Variants in PTPN1 observed in about 807,000 individuals in gnomAD.
PTPN1 encodes the protein protein tyrosine phosphatase non-receptor type 1, also known as tyrosine-protein phosphatase non-receptor type 1.
Under a neutral mutation model 59.9 loss-of-function variants are expected in PTPN1, and 12 were observed. The observed-to-expected ratio is 0.20, with a 90% CI of 0.13 to 0.32. The LOEUF (loss-of-function observed/expected upper bound fraction) is 0.32, where lower values mean the gene tolerates loss of function less well. PTPN1 is among the 10% of genes least tolerant of loss of function. The probability of loss-of-function intolerance (pLI) is 1.00; values close to 1 mark genes in which losing one functional copy is unlikely to be tolerated. For synonymous variants in PTPN1, 178 were observed against 203.6 expected (o/e 0.87, Z 1.07); for missense variants, 356 against 549.2 (o/e 0.65, Z 3.52).
intron 1 of PTPN1, among the ~76,000 whole-genome samples, chr20:50,555,469 G>A (rs1241223152): frequency 1.3e-5 from 2 of 152,066 alleles, no homozygotes; most frequent in African/African-American, 4.8e-5. Context: ...TATCTTGGTT[G>A]CATTGATAGT....
chr20:50,523,784 T>A (rs1365833354), intron 1 of PTPN1, among the ~76,000 whole-genome samples: 1 of 152,102 alleles, frequency 6.6e-6, no homozygotes, highest in Non-Finnish European at 1.5e-5. Context: ...GGAAAAGGTA[T>A]CTAATTGGGA....
In PTPN1 at chr20:50,581,334, C is replaced by G; in HGVS notation, c.1158C>G (p.Ser386=). The G allele has an allele frequency of 6.2e-7, 1 of 1,614,048 alleles. No individual in the cohort carries two copies. Among genetic ancestry groups the G allele is most frequent in the Non-Finnish European group, 8.5e-7 (1 of 1,179,906 alleles). Residue 386 remains serine (S), a synonymous_variant, in exon 9 of 10, where the codon TCC becomes TCG. Coordinates refer to ENST00000371621, the MANE Select transcript of PTPN1 (RefSeq NM_002827.4). ...GTCTTCGAGGTGCCCAGGCTGCCTC[C>G]CCAGCCAAAGGGGAGCCGTCACTGC... is the stretch of plus-strand genomic sequence containing the variant. The part of the protein sequence containing the change: ...GGSLRGAQAA[S]PAKGEPSLPE...
chr20:50,532,736 C>T (rs1396305333), intron 1 of PTPN1, among the ~76,000 whole-genome samples: 4 of 151,960 alleles, frequency 2.6e-5, no homozygotes, highest in African/African-American at 9.7e-5. Flanking sequence ...GTGTGTCTGT[C>T]TATGTGTGGG....
chr20:50,532,037 A>G (rs1256158376), intron 1 of PTPN1, among the ~76,000 whole-genome samples: 1 of 152,114 alleles, frequency 6.6e-6, no homozygotes, highest in African/African-American at 2.4e-5. Context: ...GTCTTCTGGT[A>G]TGGAATCTGT....
intron 1 of PTPN1, among the ~76,000 whole-genome samples, chr20:50,543,872 G>T (rs1336918682): frequency 1.3e-5 from 2 of 151,860 alleles, no homozygotes; most frequent in African/African-American, 2.4e-5. Flanking sequence ...TTGAGACAGA[G>T]TCTCACTCTG....
Position 50,579,210 on chromosome 20 carries a change from G to A in PTPN1, c.745G>A (p.Val249Met). 2 of 1,614,256 alleles carry A rather than the reference G, an allele frequency of 1.2e-6. No individual in the cohort carries two copies. The highest frequency in any genetic ancestry group is 1.7e-6 in the Non-Finnish European group (2 of 1,180,042). ...KDPSSVDIKK[V>M]LLEMRKFRMG... Reference sequence around the variant, plus strand: ...CCCTTCTTCCGTTGATATCAAGAAAGTGCTGTTAGAAATGAGGAAGTTTCG... The same window carrying A: ...CCCTTCTTCCGTTGATATCAAGAAAATGCTGTTAGAAATGAGGAAGTTTCG... The change falls in exon 7 of 10, where the codon GTG (valine) becomes ATG (methionine). Residue 249 changes from valine (V) to methionine (M), a missense_variant. Val to Met is a conservative substitution (Grantham distance 21). Transcript: ENST00000371621.
At position 50,570,298 on chromosome 20, in the gene PTPN1, G is replaced by GTTTGT. The variant is rs2082801525; in HGVS notation, c.354+1830_354+1834dup. ...GCGTGTTTAAAATCATAGGGGTTTG[G>GTTTGT]TTTGTTTTGTTTTGGGGTTGGGGTT... On this transcript the variant is annotated intron_variant, in intron 4 of 9. Coordinates refer to ENST00000371621, the MANE Select transcript of PTPN1 (RefSeq NM_002827.4). Among the ~76,000 whole-genome samples, 4 of 152,212 alleles carry GTTTGT rather than the reference G, an allele frequency of 2.6e-5. No homozygotes were observed. The South Asian group carries it at 8.3e-4, about 32-fold the overall frequency.
At chr20:50,510,849 G>C (rs1042431244) in intron 1 of PTPN1, among the ~76,000 whole-genome samples, 1 of 151,860 alleles carries the variant, frequency 6.6e-6, no homozygotes, top group African/African-American at 2.4e-5. Flanking sequence ...CTCAAGCCGG[G>C]GGACCGCCGG....
At chr20:50,564,594 CA>C (rs1002634349) in intron 2 of PTPN1, among the ~76,000 whole-genome samples, 2 of 148,022 alleles carry the variant, frequency 1.4e-5, no homozygotes, top group African/African-American at 2.5e-5. Flanking sequence ...ACTCTTGACT[CA>C]AAAAAAAAAG....
chr20:50,576,165 A>G (rs557092204), intron 5 of PTPN1, among the ~76,000 whole-genome samples: 3 of 152,264 alleles, frequency 2.0e-5, no homozygotes, highest in Admixed American at 6.5e-5. Context: ...GATTCTCAGG[A>G]GTAACATGGG....
intron 3 of PTPN1, among the ~76,000 whole-genome samples, chr20:50,566,941 T>G (rs2122785027): frequency 6.6e-6 from 1 of 152,250 alleles, no homozygotes; most frequent in South Asian, 2.1e-4. Flanking sequence ...CCAAGAGCTG[T>G]TTATCTGTTC....
chr20:50,548,237 C>T (rs760513204), intron 1 of PTPN1, among the ~76,000 whole-genome samples: 9 of 151,934 alleles, frequency 5.9e-5, no homozygotes, highest in African/African-American at 9.7e-5. Context: ...CTTAGTCTAG[C>T]GTTTATCCTA....
intron 8 of PTPN1, among the ~76,000 whole-genome samples, chr20:50,580,251 C>G (rs1018482358): frequency 6.6e-6 from 1 of 152,190 alleles, no homozygotes; most frequent in African/African-American, 2.4e-5. Context: ...CCCAGGTTTC[C>G]GGACAGTCCT....
At chr20:50,540,399 T>G (rs747725791) in intron 1 of PTPN1, among the ~76,000 whole-genome samples, 1 of 152,038 alleles carries the variant, frequency 6.6e-6, no homozygotes, top group East Asian at 1.9e-4. Context: ...AACAGAAAAA[T>G]TATGAGAGAG....
Position 50,568,818 on chromosome 20 carries a change from A to T in PTPN1, c.354+340A>T, listed in dbSNP as rs1364342850. ...GTTATGGAGACCTGCTTTTATCTTGAAAAGCAAGTTCTTAGTGCATCTTCA... is the reference window on the plus strand; with the variant it reads ...GTTATGGAGACCTGCTTTTATCTTGTAAAGCAAGTTCTTAGTGCATCTTCA... On this transcript the variant is annotated intron_variant, in intron 4 of 9. Coordinates refer to ENST00000371621, the MANE Select transcript of PTPN1 (RefSeq NM_002827.4). This position sits in a 1 kb window ranked among gnomAD's most constrained non-coding sequence, Gnocchi z 5.6. Among the ~76,000 whole-genome samples the T allele has an allele frequency of 1.3e-5, 2 of 152,102 alleles. No individual in the cohort carries two copies. The highest frequency in any genetic ancestry group is 6.6e-5 in the Admixed American group (1 of 15,266).
At chr20:50,523,574 C>CA (rs555669518) in intron 1 of PTPN1, among the ~76,000 whole-genome samples, 58 of 152,238 alleles carry the variant, frequency 3.8e-4, no homozygotes, top group African/African-American at 1.3e-3. Context: ...TTCAGTCATT[C>CA]AAAAAATAAT....
chr20:50,558,663 T>C (rs571437851), intron 1 of PTPN1, among the ~76,000 whole-genome samples: 8 of 152,352 alleles, frequency 5.3e-5, no homozygotes, highest in African/African-American at 1.9e-4. Flanking sequence ...TTCTTCTCTA[T>C]TGGATATTCA....
intron 1 of PTPN1, among the ~76,000 whole-genome samples, chr20:50,550,106 T>C (rs906902866): frequency 2.0e-5 from 3 of 152,148 alleles, no homozygotes; most frequent in Non-Finnish European, 4.4e-5. Flanking sequence ...CAGCGACTAC[T>C]GCAAGAGTTC....
At chr20:50,522,920 A>ATTTTT (rs11287235) in intron 1 of PTPN1, among the ~76,000 whole-genome samples, 3 of 140,378 alleles carry the variant, frequency 2.1e-5, no homozygotes, top group Non-Finnish European at 1.5e-5. Context: ...TGCCCGGCTA[A>ATTTTT]TTTTTTTTTT....
Sources: allele counts gnomAD v4.1 joint callset (sites outside exome capture counted in the v4.1 genomes callset), GRCh38; gene constraint gnomAD v4.1.1; non-coding constraint Gnocchi (gnomAD v3.1); transcripts MANE v1.5; gene names NCBI Gene and HGNC (gene_info 2026-07-23, HGNC 2026-07-21).